The following FGD4 variants were observed in gnomAD, a reference collection of about 807,000 sequenced individuals.
The protein encoded by FGD4 is FYVE, RhoGEF and PH domain-containing protein 4.
In FGD4, 42 loss-of-function variants were observed where a neutral mutation model predicts 102.0. The observed-to-expected ratio is 0.41, with a 90% confidence interval of 0.32 to 0.53. FGD4 has a LOEUF of 0.53. Among genes scored for constraint, FGD4 ranks in the 20% least tolerant of loss-of-function variants. The pLI, the probability that FGD4 is intolerant of heterozygous loss-of-function variation, is 0.21. For synonymous variants in FGD4, 380 were observed against 375.7 expected, an observed-to-expected ratio of 1.01 and a Z score of -0.13; for missense variants, 902 against 1,078.2, an observed-to-expected ratio of 0.84 and a Z score of 2.29.
chr12:32,554,600 G>C (rs1350470699), intron 1 of FGD4, among the ~76,000 whole-genome samples: 1 of 152,152 alleles, frequency 6.6e-6, no homozygotes, highest in Non-Finnish European at 1.5e-5. Flanking sequence ...AATAAAAAAA[G>C]TAAGTAAATA....
intron 11 of FGD4, among the ~76,000 whole-genome samples, chr12:32,622,132 G>A (rs1027764394): frequency 2.0e-5 from 3 of 152,110 alleles, no homozygotes; most frequent in Admixed American, 6.6e-5. Flanking sequence ...TGATCCACCC[G>A]CCTTGGCCTT....
At chr12:32,552,974 A>G (rs181104973) in intron 1 of FGD4, among the ~76,000 whole-genome samples, 2 of 75,992 alleles carry the variant, frequency 2.6e-5, no homozygotes, top group Non-Finnish European at 5.4e-5. Context: ...TTGTATTTTT[A>G]GTAGAGACAG....
intron 1 of FGD4, among the ~76,000 whole-genome samples, chr12:32,470,165 T>A (rs1307326009): frequency 6.6e-6 from 1 of 152,154 alleles, no homozygotes; most frequent in East Asian, 1.9e-4. Context: ...TTCTACAACC[T>A]TATGAGGGAG....
intron 1 of FGD4, among the ~76,000 whole-genome samples, chr12:32,460,869 T>A (rs1943087024): frequency 6.6e-6 from 1 of 152,232 alleles, no homozygotes; most frequent in African/African-American, 2.4e-5. Flanking sequence ...ATCACTGTAT[T>A]GCAGATTCTG....
rs1378827167 is a variant in FGD4 at position 32,472,487 on chromosome 12, T to C, written c.166+72528T>C. 9.8e-5 allele frequency among the ~76,000 whole-genome samples: 15 copies of C among 152,328 alleles called. No homozygotes were observed. The South Asian group carries it at 1.4e-3, about 15-fold the overall frequency. ...TCCCCCAGCAGTGCTGGCCCACCGGTGCTGCGCTCAATTTCTCGCTGGGCC... is the reference window on the plus strand; with the variant it reads ...TCCCCCAGCAGTGCTGGCCCACCGGCGCTGCGCTCAATTTCTCGCTGGGCC... On this transcript the variant is annotated intron_variant, in intron 1 of 16. Coordinates refer to ENST00000534526, the MANE Select transcript of FGD4 (RefSeq NM_001370298.3).
In FGD4 at chr12:32,641,329, G is replaced by C. The variant is rs562623569; in HGVS notation, c.*796G>C. ...GGTATTGATATTTTTATAATAAGCG[G>C]TAATTTATGTGGCATGGGATATATT... On this transcript the variant is annotated 3_prime_UTR_variant, in exon 17 of 17. Coordinates refer to ENST00000534526, the MANE Select transcript of FGD4 (RefSeq NM_001370298.3). 8.5e-5 allele frequency: 13 copies of C among 152,198 alleles called. No individual in the cohort carries two copies. In the East Asian group the frequency reaches 2.3e-3, roughly 27 times the overall value. The allele number at this position is 152,198 out of a possible 1,614,324, so 9.4% of individuals were successfully genotyped here.
At chr12:32,618,494 A>T (rs1949580020) in intron 10 of FGD4, among the ~76,000 whole-genome samples, 1 of 152,156 alleles carries the variant, frequency 6.6e-6, no homozygotes, top group South Asian at 2.1e-4. Flanking sequence ...GAACTAATAA[A>T]TAGGCTATTT....
chr12:32,597,016 A>G (rs1045756671), intron 4 of FGD4, among the ~76,000 whole-genome samples: 1 of 152,198 alleles, frequency 6.6e-6, no homozygotes, highest in Non-Finnish European at 1.5e-5. Flanking sequence ...AAATCTTCGC[A>G]TATACATTAG....
chr12:32,399,661 C>G lies in FGD4; in HGVS notation c.-133C>G. 3.5e-6 allele frequency: 5 copies of G among 1,428,068 alleles called. No homozygotes were observed. Among genetic ancestry groups the G allele is most frequent in the Non-Finnish European group, 4.5e-6 (5 of 1,100,486 alleles). The allele number at this position is 1,428,068 out of a possible 1,614,324, so 88.5% of individuals were successfully genotyped here. ...GAAGGAGAGGGAGAGGAGGCACTCG[C>G]TGAGGAGACGCCGCAGTAGAGGGCG... On this transcript the variant is annotated 5_prime_UTR_variant, in exon 1 of 17. Coordinates refer to ENST00000534526, the MANE Select transcript of FGD4 (RefSeq NM_001370298.3).
chr12:32,480,887 T>C (rs1423940404), intron 1 of FGD4, among the ~76,000 whole-genome samples: 2 of 151,374 alleles, frequency 1.3e-5, no homozygotes, highest in African/African-American at 4.9e-5. Flanking sequence ...CACTACAGCC[T>C]TGACGTCCTG....
chr12:32,619,977 C>G (rs1415111658), intron 11 of FGD4, 107 bp downstream of exon 11: 2 of 1,307,732 alleles, frequency 1.5e-6, no homozygotes, highest in Admixed American at 1.8e-5. Flanking sequence ...CTGCATATCT[C>G]TGGAACTCTG....
intron 15 of FGD4, among the ~76,000 whole-genome samples, chr12:32,636,275 C>T (rs1361462103): frequency 2.0e-5 from 3 of 152,042 alleles, no homozygotes; most frequent in Admixed American, 6.6e-5. Context: ...GTGTGGCTCA[C>T]GCCTATAATC....
chr12:32,531,380 G>A (rs927083153), intron 1 of FGD4, among the ~76,000 whole-genome samples: 3 of 152,118 alleles, frequency 2.0e-5, no homozygotes, highest in African/African-American at 7.2e-5. Flanking sequence ...AATGCACGCA[G>A]TCATATAACC....
intron 1 of FGD4, among the ~76,000 whole-genome samples, chr12:32,559,294 G>C (rs1944350264): frequency 6.6e-6 from 1 of 152,114 alleles, no homozygotes; most frequent in Admixed American, 6.6e-5. Flanking sequence ...GCTTCTTTTA[G>C]GCAAACTTCT....
intron 1 of FGD4, among the ~76,000 whole-genome samples, chr12:32,522,859 T>G (rs1488182870): frequency 2.0e-5 from 3 of 152,256 alleles, no homozygotes; most frequent in Non-Finnish European, 4.4e-5. Context: ...CAGGCACTGA[T>G]GAACACTTCT....
chr12:32,558,655 G>T (rs1311158198), intron 1 of FGD4, among the ~76,000 whole-genome samples: 1 of 152,198 alleles, frequency 6.6e-6, no homozygotes, highest in Non-Finnish European at 1.5e-5. Context: ...CTAACCAATC[G>T]TAGGGCATAT....
chr12:32,440,119 A>G (rs1055705135), intron 1 of FGD4, among the ~76,000 whole-genome samples: 19 of 152,202 alleles, frequency 1.2e-4, no homozygotes, highest in African/African-American at 4.3e-4. Flanking sequence ...GAAAGGTCAC[A>G]TATCTCTGTT....
rs1206606019 is a variant in FGD4, at chr12:32,607,960, C to T, written c.1408C>T (p.Gln470Ter). The change falls in exon 8 of 17, where the codon CAG becomes TAG. Residue 470 changes from glutamine (Q) to a stop codon, truncating the protein, a stop_gained. Coordinates refer to ENST00000534526, the MANE Select transcript of FGD4 (RefSeq NM_001370298.3). LOFTEE classifies it high-confidence loss of function. ...FKSVVEEIQKQKICGSLTLQH... is the reference protein window; with the variant it reads ...FKSVVEEIQK ...TAGAAAACCTTTCTCATTACAGAAA[C>T]AGAAAATCTGTGGGAGCTTAACTTT... 6.2e-7 allele frequency: 1 copy of T among 1,614,194 alleles called. No individual in the cohort carries two copies. The highest frequency in any genetic ancestry group is 1.7e-5 in the Admixed American group (1 of 60,018).
chr12:32,625,167 A>G, intron 13 of FGD4, 99 bp downstream of exon 13: 3 of 998,126 alleles, frequency 3.0e-6, no homozygotes, highest in Admixed American at 1.8e-5. Flanking sequence ...TCCCTTTACA[A>G]TGTCAGAACT....
Sources: allele counts gnomAD v4.1 joint callset (sites outside exome capture counted in the v4.1 genomes callset), GRCh38; gene constraint gnomAD v4.1.1; transcripts MANE v1.5; gene names NCBI Gene and HGNC (gene_info 2026-07-23, HGNC 2026-07-21).